Variants in MROH2B observed in about 807,000 individuals in gnomAD.
MROH2B encodes maestro heat like repeat family member 2B, also known as maestro heat-like repeat-containing protein family member 2B.
Under a neutral mutation model 208.6 loss-of-function variants are expected in MROH2B, and 177 were observed. The observed-to-expected ratio is 0.85, with a 90% CI of 0.75 to 0.96. The LOEUF is 0.96. Ranked by LOEUF, MROH2B falls within the 40% of genes least tolerant of loss-of-function variation. The pLI is 0.00. For missense variants in MROH2B, 2,002 were observed against 1,878.7 expected, an observed-to-expected ratio of 1.07 and a Z score of -1.21; for synonymous variants, 728 against 659.0, an observed-to-expected ratio of 1.10 and a Z score of -1.60.
At chr5:41,024,565 G>A in intron 24 of MROH2B, among the ~76,000 whole-genome samples, 1 of 152,106 alleles carries the variant, frequency 6.6e-6, no homozygotes, top group Non-Finnish European at 1.5e-5. Context: ...AAGAGACTTA[G>A]ACTCCCACAC....
chr5:41,009,770 AC>A (rs1161543280), intron 31 of MROH2B, among the ~76,000 whole-genome samples, 151 bp downstream of exon 31: 1 of 152,186 alleles, frequency 6.6e-6, no homozygotes, highest in Non-Finnish European at 1.5e-5. Context: ...GAAAAACATT[AC>A]TTGTGATTCA....
At chr5:41,028,382 G>T (rs1742452976) in intron 24 of MROH2B, among the ~76,000 whole-genome samples, 1 of 151,994 alleles carries the variant, frequency 6.6e-6, no homozygotes, top group Non-Finnish European at 1.5e-5. Context: ...ATACTCCTAG[G>T]TTGTACATTA....
intron 12 of MROH2B, among the ~76,000 whole-genome samples, chr5:41,051,757 C>G (rs922167832): frequency 6.6e-6 from 1 of 152,162 alleles, no homozygotes; most frequent in Non-Finnish European, 1.5e-5. Context: ...TCTTGGACTT[C>G]CCCGCATCTT....
chr5:41,050,015 T>C (rs1179172351), intron 13 of MROH2B, among the ~76,000 whole-genome samples: 1 of 152,210 alleles, frequency 6.6e-6, no homozygotes, highest in African/African-American at 2.4e-5. Flanking sequence ...CTCTCTTCTT[T>C]GTCATCTATA....
intron 34 of MROH2B, among the ~76,000 whole-genome samples, chr5:41,006,185 G>C (rs1224810036): frequency 1.3e-5 from 2 of 152,104 alleles, no homozygotes; most frequent in African/African-American, 4.8e-5. Flanking sequence ...GACATGAATA[G>C]ATAATTCTCA....
chr5:41,016,504 T>TTTTTG (rs1554047594), intron 28 of MROH2B, among the ~76,000 whole-genome samples: 2 of 135,406 alleles, frequency 1.5e-5, no homozygotes, highest in Non-Finnish European at 1.6e-5. Flanking sequence ...TAATGTTTTT[T>TTTTTG]TTTTTTTTTT....
rs1419165027 is a variant in MROH2B, at chr5:41,005,579, G to C, written c.3816C>G (p.Thr1272=). The C allele has an allele frequency of 6.2e-7, 1 of 1,611,412 alleles. No homozygotes were observed. The highest frequency in any genetic ancestry group is 2.2e-5 in the East Asian group (1 of 44,802). The part of the protein sequence containing the change: ...DIMEQLLSSL[T]SSSENYRITG... ...TTATCCGGTAGTTCTCCGAGGAGGA[G>C]GTAAGAGATGAGAGCAGCTGTTCCA... The change falls in exon 35 of 42, where the codon ACC becomes ACG. Residue 1272 remains threonine (T), a synonymous_variant. Transcript: ENST00000399564.
intron 37 of MROH2B, among the ~76,000 whole-genome samples, chr5:41,002,675 T>C (rs1473754310): frequency 6.6e-6 from 1 of 152,174 alleles, no homozygotes; most frequent in Non-Finnish European, 1.5e-5. Context: ...TTGACACCTA[T>C]TAGAGATGAG....
In MROH2B at chr5:41,004,447, T is replaced by C; in HGVS notation, c.4093A>G (p.Ser1365Gly). Residue 1365 changes from serine (S) to glycine (G), a missense_variant, in exon 37 of 42, where the codon AGC becomes GGC. By Grantham distance (56) the Ser-to-Gly change is moderately conservative (BLOSUM62 0). Transcript: ENST00000399564. ...HLARTEVVCE[S>G]LKALKKILEL... ...AGGATTTTTTTTAGAGCCTTCAAGCTTTCACAGACGACTTCAGTGCGAGCT... is the reference window on the plus strand; with the variant it reads ...AGGATTTTTTTTAGAGCCTTCAAGCCTTCACAGACGACTTCAGTGCGAGCT... 1.2e-6 allele frequency: 2 copies of C among 1,613,998 alleles called. No homozygotes were observed. The highest frequency in any genetic ancestry group is 1.7e-6 in the Non-Finnish European group (2 of 1,179,868).
intron 18 of MROH2B, among the ~76,000 whole-genome samples, chr5:41,044,339 C>A (rs1743053399): frequency 6.6e-6 from 1 of 151,974 alleles, no homozygotes; most frequent in African/African-American, 2.4e-5. Context: ...CCACCTGAGC[C>A]CAGCCCAAAG....
rs10689623 is a variant in MROH2B, at chr5:41,016,498, GT to G, written c.2885-1021del. On this transcript the variant is annotated intron_variant, in intron 28 of 41. Transcript: ENST00000399564. ...GGCATATTTCTGTTACTACTGTAAT[GT>G]TTTTTTTTTTTTTTTTTTTTTTTGA... Among the ~76,000 whole-genome samples the G allele has an allele frequency of 9.3e-3, 752 of 80,756 alleles. 10 individuals are homozygous for G. Among genetic ancestry groups the G allele is most frequent in the African/African-American group, 0.034 (675 of 20,122 alleles). 53.0% of individuals were successfully genotyped at this position (80,756 alleles called of 152,430 possible). A position where few individuals can be genotyped will look rare whatever the true frequency, so the allele number is the denominator to read the frequency against.
chr5:41,039,632 G>T, intron 19 of MROH2B, 77 bp from the exon 20 acceptor site: 2 of 997,514 alleles, frequency 2.0e-6, no homozygotes, highest in Non-Finnish European at 3.0e-6. Context: ...CACCTATTAT[G>T]TGCCAGGTAT....
At chr5:41,049,482 T>C in intron 13 of MROH2B, 46 bp from the exon 14 acceptor site, 1 of 1,569,598 alleles carries the variant, frequency 6.4e-7, no homozygotes, top group South Asian at 1.2e-5. Context: ...TTCTTTTCCA[T>C]TATTTCTCCC....
chr5:41,028,124 A>G (rs756125734), intron 24 of MROH2B, among the ~76,000 whole-genome samples: 25 of 152,226 alleles, frequency 1.6e-4, no homozygotes, highest in Non-Finnish European at 3.4e-4. Context: ...CCAACATGGG[A>G]TATGTATACG....
chr5:41,016,053 T>A lies in MROH2B; in HGVS notation c.2885-575A>T, dbSNP rs61418078. Among the ~76,000 whole-genome samples, 349 of 152,310 alleles carry A rather than the reference T, an allele frequency of 2.3e-3. 2 individuals carry two copies. Among genetic ancestry groups the A allele is most frequent in the African/African-American group, 8.0e-3 (333 of 41,578 alleles). On this transcript the variant is annotated intron_variant, in intron 28 of 41. Transcript: ENST00000399564. ...TCATGGAAACTAACACATGAACCAT[T>A]CTATGGAAGGCAGCCTAGCCCAGTG...
At chr5:41,030,499 C>G (rs1319630314) in intron 24 of MROH2B, among the ~76,000 whole-genome samples, 1 of 152,016 alleles carries the variant, frequency 6.6e-6, no homozygotes, top group Non-Finnish European at 1.5e-5. Context: ...AAACACATCT[C>G]AAATTCAAGG....
intron 1 of MROH2B, among the ~76,000 whole-genome samples, chr5:41,070,412 G>A (rs34319315): frequency 0.2 from 29,691 of 152,070 alleles, 3,238 homozygotes; most frequent in South Asian, 0.33. Flanking sequence ...AAATACTTTT[G>A]GAGATGAAGA....
chr5:41,032,653 C>A, intron 24 of MROH2B, 89 bp downstream of exon 24: 1 of 1,074,608 alleles, frequency 9.3e-7, no homozygotes, highest in Non-Finnish European at 1.4e-6. Flanking sequence ...GGAGTGTGTA[C>A]TGAAGTCTGC....
At chr5:41,037,911 G>A (rs1742814753) in intron 21 of MROH2B, among the ~76,000 whole-genome samples, 1 of 152,082 alleles carries the variant, frequency 6.6e-6, no homozygotes, top group Non-Finnish European at 1.5e-5. Context: ...CAGCAAAATG[G>A]GTGAATTCAC....
Sources: gnomAD v4.1 joint callset for allele counts (sites outside exome capture counted in the v4.1 genomes callset) on GRCh38, gnomAD v4.1.1 for gene constraint, MANE v1.5 for transcripts, NCBI Gene and HGNC (gene_info 2026-07-23, HGNC 2026-07-21) for gene names.